Variants in SOX6 observed in about 807,000 individuals in gnomAD.
The protein encoded by SOX6 is transcription factor SOX-6.
Under a neutral mutation model 97.8 loss-of-function variants are expected in SOX6, and 11 were observed. The observed-to-expected ratio is 0.11, with a 90% CI of 0.07 to 0.19. The LOEUF (loss-of-function observed/expected upper bound fraction) is 0.19. Ranked by LOEUF, SOX6 falls within the 10% of genes least tolerant of loss-of-function variation. The pLI is 1.00. For missense variants in SOX6, 810 were observed against 1,039.5 expected (o/e 0.78, Z 3.04); for synonymous variants, 360 against 371.4 (o/e 0.97, Z 0.35).
At chr11:16,319,955 G>A (rs1855867011) in intron 2 of SOX6, among the ~76,000 whole-genome samples, 1 of 151,894 alleles carries the variant, frequency 6.6e-6, no homozygotes, top group East Asian at 1.9e-4. Context: ...TTACTTCATA[G>A]TATAGAGAAG....
At chr11:16,386,761 G>T (rs1030718748) in intron 1 of SOX6, among the ~76,000 whole-genome samples, 1 of 151,896 alleles carries the variant, frequency 6.6e-6, no homozygotes, top group South Asian at 2.1e-4. Context: ...ATCCCAAACC[G>T]AATTAGGTCT....
chr11:16,021,732 T>C (rs780503025), intron 12 of SOX6, among the ~76,000 whole-genome samples: 1 of 152,136 alleles, frequency 6.6e-6, no homozygotes, highest in Non-Finnish European at 1.5e-5. Flanking sequence ...AAAATTGTGC[T>C]AGCACTTAAG....
At chr11:16,523,992 T>A (rs947038528) in intron 4 of SOX6, among the ~76,000 whole-genome samples, 1 of 152,112 alleles carries the variant, frequency 6.6e-6, no homozygotes, top group African/African-American at 2.4e-5. Context: ...CAATAATCAA[T>A]AGCTTACCAA....
chr11:16,449,419 A>C (rs1417036267), intron 1 of SOX6, among the ~76,000 whole-genome samples: 5 of 150,736 alleles, frequency 3.3e-5, no homozygotes, highest in Non-Finnish European at 5.9e-5. Flanking sequence ...CCGCCTCCTG[A>C]GTAGCTGGGA....
intron 3 of SOX6, among the ~76,000 whole-genome samples, chr11:16,659,923 ATTACCT>A (rs1341851452): frequency 6.6e-6 from 1 of 152,040 alleles, no homozygotes; most frequent in Non-Finnish European, 1.5e-5. Context: ...AGTGTTTATA[ATTACCT>A]TTATTTTCCT....
intron 4 of SOX6, among the ~76,000 whole-genome samples, chr11:16,505,773 C>G (rs1277423218): frequency 6.6e-6 from 1 of 152,210 alleles, no homozygotes; most frequent in Non-Finnish European, 1.5e-5. Context: ...CCCAGCTGCC[C>G]CAGCTCCAGC....
At chr11:16,541,306 T>C (rs986152045) in intron 4 of SOX6, among the ~76,000 whole-genome samples, 1 of 152,162 alleles carries the variant, frequency 6.6e-6, no homozygotes, top group Non-Finnish European at 1.5e-5. Flanking sequence ...CCTTACACCT[T>C]ATACAAAAAT....
chr11:16,213,049 T>C (rs146518295), intron 4 of SOX6, among the ~76,000 whole-genome samples: 128 of 152,248 alleles, frequency 8.4e-4, no homozygotes, highest in African/African-American at 2.9e-3. Flanking sequence ...TTTGTTAAAA[T>C]CTCCCTCTCA....
chr11:16,323,784 A>G (rs1346212261), intron 2 of SOX6, among the ~76,000 whole-genome samples: 1 of 152,148 alleles, frequency 6.6e-6, no homozygotes, highest in East Asian at 1.9e-4. Context: ...TTTAACTCTT[A>G]AAGGATTTCA....
intron 4 of SOX6, among the ~76,000 whole-genome samples, chr11:16,196,686 C>T (rs1160308757): frequency 6.6e-6 from 1 of 151,962 alleles, no homozygotes; most frequent in Non-Finnish European, 1.5e-5. Context: ...GATCTTGTTC[C>T]CTCCAAGTTC....
At chr11:16,497,728 T>C (rs1395969059) in intron 4 of SOX6, among the ~76,000 whole-genome samples, 2 of 109,010 alleles carry the variant, frequency 1.8e-5, no homozygotes, top group East Asian at 2.4e-4. Context: ...TGATGGAAGA[T>C]GAAATGAATG....
At chr11:16,719,620 A>G (rs1432163815) in intron 2 of SOX6, among the ~76,000 whole-genome samples, 1 of 152,208 alleles carries the variant, frequency 6.6e-6, no homozygotes, top group African/African-American at 2.4e-5. Context: ...AGGTGAGTAT[A>G]AACTTCAGAA....
chr11:16,494,312 G>A (rs137924701), intron 4 of SOX6, among the ~76,000 whole-genome samples: 61 of 152,240 alleles, frequency 4.0e-4, no homozygotes, highest in African/African-American at 1.2e-3. Flanking sequence ...GAAGGCGGAC[G>A]TTGCAGTGAG....
chr11:16,629,822 A>G (rs983723477), intron 3 of SOX6, among the ~76,000 whole-genome samples: 2 of 152,102 alleles, frequency 1.3e-5, no homozygotes, highest in Non-Finnish European at 2.9e-5. Context: ...TTATTCAATC[A>G]TGGGAGGTTG....
At chr11:16,464,589 T>C (rs1859992974) in intron 1 of SOX6, among the ~76,000 whole-genome samples, 1 of 152,076 alleles carries the variant, frequency 6.6e-6, no homozygotes, top group African/African-American at 2.4e-5. Flanking sequence ...CCCCCAAAAC[T>C]AAAAACATCA....
chr11:16,622,476 A>T (rs1848558819), intron 3 of SOX6, among the ~76,000 whole-genome samples: 1 of 152,100 alleles, frequency 6.6e-6, no homozygotes, highest in Non-Finnish European at 1.5e-5. Flanking sequence ...ATGTCTTTGC[A>T]TCCTCATAGC....
chr11:16,108,719 C>A (rs1590201715), intron 7 of SOX6, among the ~76,000 whole-genome samples: 1 of 152,314 alleles, frequency 6.6e-6, no homozygotes, highest in East Asian at 1.9e-4. Flanking sequence ...TGGAGCTGAA[C>A]AATCCCTGTG....
intron 10 of SOX6, among the ~76,000 whole-genome samples, chr11:16,054,658 G>A (rs1050757649): frequency 2.6e-5 from 4 of 152,128 alleles, no homozygotes; most frequent in Non-Finnish European, 5.9e-5. Flanking sequence ...AGCATCCAAT[G>A]ATTAATTTGG....
intron 13 of SOX6, among the ~76,000 whole-genome samples, chr11:16,005,994 G>A (rs1453463109): frequency 1.3e-5 from 2 of 152,054 alleles, no homozygotes; most frequent in East Asian, 3.9e-4. Flanking sequence ...TCCTAAGTGA[G>A]AGGCAAAAGT....
Sources: allele counts gnomAD v4.1 joint callset (sites outside exome capture counted in the v4.1 genomes callset), GRCh38; gene constraint gnomAD v4.1.1; transcripts MANE v1.5; gene names NCBI Gene and HGNC (gene_info 2026-07-23, HGNC 2026-07-21).